NHS: variants seen among roughly 807,000 people sequenced by gnomAD.
The protein encoded by NHS is NHS actin remodeling regulator.
A neutral mutation model predicts 72.5 loss-of-function variants in NHS; 5 were observed. That is an observed-to-expected ratio of 0.07 (90% CI 0.04 to 0.14). The LOEUF (loss-of-function observed/expected upper bound fraction) is 0.14. Among genes scored for constraint, NHS ranks in the 10% least tolerant of loss-of-function variants. NHS has a pLI of 1.00. For synonymous variants in NHS, 464 were observed against 547.7 expected (o/e 0.85, Z 2.13); for missense variants, 1,072 against 1,355.7 (o/e 0.79, Z 3.29).
intron 1 of NHS, among the ~76,000 whole-genome samples, chrX:17,468,751 C>T (rs1327515870): frequency 9.0e-6 from 1 of 110,654 alleles, no homozygotes; most frequent in Non-Finnish European, 1.9e-5. Flanking sequence ...GACAGGGTCC[C>T]GGTATGTTGC....
rs533975865 is a variant in NHS, at chrX:17,648,432, C to A, written c.566-39310C>A. ...CAGACATGTACAATGTCACTTCCAC[C>A]GCATTCTTCTGGCCAAATCAGGTCA... On this transcript the variant is annotated intron_variant, in intron 1 of 8. Transcript: ENST00000676302. Among the ~76,000 whole-genome samples, 10 of 112,254 alleles carry A rather than the reference C, an allele frequency of 8.9e-5. No homozygotes were observed. In the East Asian group the frequency reaches 2.2e-3, roughly 25 times the overall value.
intron 1 of NHS, among the ~76,000 whole-genome samples, chrX:17,644,862 C>T (rs770538021): frequency 6.0e-4 from 67 of 110,798 alleles, no homozygotes; most frequent in Non-Finnish European, 1.1e-3. Context: ...CTGCCAGGCA[C>T]GCTACAGTGT....
At chrX:17,410,377 T>C (rs2064551520) in intron 1 of NHS, among the ~76,000 whole-genome samples, 1 of 110,949 alleles carries the variant, frequency 9.0e-6, no homozygotes. Context: ...GGCGAGTTGA[T>C]GATGGGGAGT....
At chrX:17,548,454 A>G (rs1480543191) in intron 1 of NHS, among the ~76,000 whole-genome samples, 1 of 110,975 alleles carries the variant, frequency 9.0e-6, no homozygotes, top group African/African-American at 3.3e-5. Context: ...GGGTGGGGGT[A>G]GTAACATAGT....
intron 1 of NHS, among the ~76,000 whole-genome samples, chrX:17,628,864 A>C (rs2065811355): frequency 1.8e-5 from 2 of 113,234 alleles, no homozygotes; most frequent in Non-Finnish European, 3.7e-5. Context: ...CTGAAATAGC[A>C]CATACAAAGA....
intron 1 of NHS, among the ~76,000 whole-genome samples, chrX:17,408,948 G>T (rs1166664741): frequency 9.8e-6 from 1 of 102,261 alleles, no homozygotes; most frequent in Non-Finnish European, 1.9e-5. Flanking sequence ...GAAACCGACG[G>T]AGAGAGGAGA....
chrX:17,465,461 G>T, intron 1 of NHS, among the ~76,000 whole-genome samples: 1 of 111,104 alleles, frequency 9.0e-6, no homozygotes, highest in Non-Finnish European at 1.9e-5. Context: ...GCTCAGATAA[G>T]GGTGAGGTTG....
At chrX:17,666,654 G>A (rs868353029) in intron 1 of NHS, among the ~76,000 whole-genome samples, 2 of 111,839 alleles carry the variant, frequency 1.8e-5, no homozygotes, top group Admixed American at 9.4e-5. Flanking sequence ...GAATGAATGA[G>A]TGAATGAATG....
At chrX:17,580,629 AG>A (rs2065538717) in intron 1 of NHS, among the ~76,000 whole-genome samples, 1 of 111,919 alleles carries the variant, frequency 8.9e-6, no homozygotes, top group Non-Finnish European at 1.9e-5. Context: ...TCTCCTGCGG[AG>A]GACAGAGTGT....
intron 1 of NHS, among the ~76,000 whole-genome samples, chrX:17,538,372 G>A (rs1331226871): frequency 9.0e-6 from 1 of 111,549 alleles, no homozygotes; most frequent in Non-Finnish European, 1.9e-5. Flanking sequence ...TTAGGGCCTG[G>A]AGAGGTAACA....
intron 1 of NHS, among the ~76,000 whole-genome samples, chrX:17,446,080 C>A (rs767149340): frequency 1.8e-5 from 2 of 110,422 alleles, no homozygotes; most frequent in East Asian, 5.7e-4. Flanking sequence ...TTCTATATGA[C>A]AAATGCTCCT....
chrX:17,481,172 A>C (rs983896646), intron 1 of NHS, among the ~76,000 whole-genome samples: 11 of 112,009 alleles, frequency 9.8e-5, no homozygotes, highest in Non-Finnish European at 2.1e-4. Context: ...ATTTGATTTA[A>C]AAGAAAATTC....
At chrX:17,583,649 G>A (rs1455798521) in intron 1 of NHS, among the ~76,000 whole-genome samples, 7 of 111,902 alleles carry the variant, frequency 6.3e-5, no homozygotes, top group Non-Finnish European at 1.3e-4. Context: ...AGCAACTCCC[G>A]AAGGAAACGA....
At chrX:17,474,145 C>T (rs1170389407) in intron 1 of NHS, among the ~76,000 whole-genome samples, 3 of 111,124 alleles carry the variant, frequency 2.7e-5, no homozygotes, top group Non-Finnish European at 3.8e-5. Flanking sequence ...GTTTTACGTG[C>T]CACATTTGGT....
At chrX:17,640,260 A>G (rs980641239) in intron 1 of NHS, among the ~76,000 whole-genome samples, 1 of 111,870 alleles carries the variant, frequency 8.9e-6, no homozygotes, top group Admixed American at 9.5e-5. Context: ...TTTGGTGGGT[A>G]GCATGGCTCT....
chrX:17,725,311 T>C lies in NHS; in HGVS notation c.1241-36T>C, dbSNP rs758202878. The C allele has an allele frequency of 6.0e-6, 7 of 1,167,955 alleles. No individual in the cohort carries two copies. The South Asian group carries it at 1.1e-4, about 18-fold the overall frequency. On this transcript the variant is annotated intron_variant, in intron 6 of 8. Coordinates refer to ENST00000676302, the MANE Select transcript of NHS (RefSeq NM_001291867.2). ...CAGAATGTCTGTTGGTCTGCTGATA[T>C]AGAAAATATCTCACTGTGCTTTCCA... is the stretch of plus-strand genomic sequence containing the variant.
chrX:17,728,107 C>A lies in NHS; in HGVS notation c.4001C>A (p.Thr1334Lys). Residue 1334 changes from threonine to lysine, a missense_variant, in exon 7 of 9, where the codon ACA becomes AAA. Coordinates refer to ENST00000676302, the MANE Select transcript of NHS (RefSeq NM_001291867.2). The stretch of plus-strand genomic sequence containing the variant: ...CAGTCAGACTCACCAACTAGAGCAA[C>A]AGATGTAAGCAATCAATTTAAGCAT... The part of the protein sequence containing the change: ...TSQSDSPTRA[T>K]DVSNQFKHQF... 8.3e-7 allele frequency: 1 copy of A among 1,211,603 alleles called. No homozygotes were observed. The highest frequency in any genetic ancestry group is 1.8e-5 in the South Asian group (1 of 56,986).
chrX:17,710,686 A>G (rs1265446121), intron 3 of NHS, among the ~76,000 whole-genome samples: 1 of 111,851 alleles, frequency 8.9e-6, no homozygotes, highest in African/African-American at 3.3e-5. Flanking sequence ...GGAGTAATAG[A>G]ACAGTTCTAT....
At chrX:17,638,102 C>T (rs956264058) in intron 1 of NHS, among the ~76,000 whole-genome samples, 1 of 111,748 alleles carries the variant, frequency 8.9e-6, no homozygotes, top group Non-Finnish European at 1.9e-5. Context: ...GAAACACAGA[C>T]CCTTATGCCA....
Sources: allele counts gnomAD v4.1 joint callset (sites outside exome capture counted in the v4.1 genomes callset), GRCh38; gene constraint gnomAD v4.1.1; transcripts MANE v1.5; gene names NCBI Gene and HGNC (gene_info 2026-07-23, HGNC 2026-07-21).